The following MRTFA variants were observed in gnomAD, a reference collection of about 807,000 sequenced individuals.
MRTFA encodes the protein myocardin-related transcription factor A.
Under a neutral mutation model 83.5 loss-of-function variants are expected in MRTFA, and 20 were observed. The ratio of observed to expected loss-of-function variants is 0.24; its 90% confidence interval spans 0.17 to 0.35. The LOEUF is 0.35. Ranked by LOEUF, MRTFA falls within the 10% of genes least tolerant of loss-of-function variation. The pLI is 1.00. For synonymous variants in MRTFA, 659 were observed against 541.2 expected (o/e 1.22, Z -3.02); for missense variants, 1,200 against 1,224.7 (o/e 0.98, Z 0.30).
chr22:40,513,602 CAA>C (rs111580647), intron 3 of MRTFA, among the ~76,000 whole-genome samples: 10 of 65,888 alleles, frequency 1.5e-4, no homozygotes, highest in Admixed American at 3.6e-4. Context: ...GACTCCATCT[CAA>C]AAAAAAAAAA....
rs983876295 is a variant in MRTFA, at chr22:40,528,457, G to C, written c.241+23649C>G. Among the ~76,000 whole-genome samples, 9 of 152,070 alleles carry C rather than the reference G, an allele frequency of 5.9e-5. No homozygotes were observed. The East Asian group carries it at 7.7e-4, about 13-fold the overall frequency. ...AATCCCTTAAATATAAAACTAAGTG[G>C]CCAGGCGTGGTGGCTCACACCTGTA... On this transcript the variant is annotated intron_variant, in intron 3 of 14. Coordinates refer to ENST00000355630, the MANE Select transcript of MRTFA (RefSeq NM_020831.6).
rs922926545 is a variant in MRTFA, at chr22:40,498,893, T to G, written c.242-35607A>C. ...CTCTCTAAGCTTTCATTTCCTTACC[T>G]GAAAATAAAGATAATATGACCAAAT... On this transcript the variant is annotated intron_variant, in intron 3 of 14. Transcript: ENST00000355630. Among the ~76,000 whole-genome samples the G allele has an allele frequency of 2.0e-4, 31 of 152,212 alleles. 1 individual carries two copies. The highest frequency in any genetic ancestry group is 1.8e-3 in the Admixed American group (28 of 15,280).
intron 3 of MRTFA, among the ~76,000 whole-genome samples, chr22:40,498,829 C>G (rs2054406692): frequency 6.6e-6 from 1 of 152,170 alleles, no homozygotes; most frequent in South Asian, 2.1e-4. Flanking sequence ...TAGCTCTTAT[C>G]ACCTGTTGCC....
At chr22:40,582,755 C>CA (rs1262378740) in intron 2 of MRTFA, among the ~76,000 whole-genome samples, 1 of 152,020 alleles carries the variant, frequency 6.6e-6, no homozygotes, top group Non-Finnish European at 1.5e-5. Flanking sequence ...ACTGTTTGTT[C>CA]AAAAATCAAG....
chr22:40,535,645 A>T (rs2055158866), intron 3 of MRTFA, among the ~76,000 whole-genome samples: 1 of 151,996 alleles, frequency 6.6e-6, no homozygotes, highest in Non-Finnish European at 1.5e-5. Context: ...GAACCACCAC[A>T]CCTGGTCTTT....
intron 1 of MRTFA, among the ~76,000 whole-genome samples, chr22:40,612,610 A>T (rs1289936314): frequency 6.6e-6 from 1 of 152,202 alleles, no homozygotes; most frequent in African/African-American, 2.4e-5. Flanking sequence ...GAGTTTTGAT[A>T]AGTGTATACT....
intron 1 of MRTFA, among the ~76,000 whole-genome samples, chr22:40,605,787 T>C (rs1244320798): frequency 6.6e-6 from 1 of 152,158 alleles, no homozygotes; most frequent in African/African-American, 2.4e-5. Context: ...ACAGTTTGGG[T>C]TGGGATTGTT....
chr22:40,431,581 C>T (rs1243406567), intron 5 of MRTFA, 101 bp from the exon 6 acceptor site: 4 of 1,084,220 alleles, frequency 3.7e-6, no homozygotes, highest in African/African-American at 3.1e-5. Flanking sequence ...CTGCTGACCA[C>T]CTCTGCAGTT....
intron 4 of MRTFA, among the ~76,000 whole-genome samples, chr22:40,438,690 A>G (rs1409029376): frequency 6.6e-6 from 1 of 152,138 alleles, no homozygotes; most frequent in African/African-American, 2.4e-5. Flanking sequence ...CATAACTTTT[A>G]TTACAGTGTA....
intron 4 of MRTFA, among the ~76,000 whole-genome samples, chr22:40,455,299 A>G (rs1200590761): frequency 6.6e-6 from 1 of 152,170 alleles, no homozygotes. Flanking sequence ...TTAACATACT[A>G]TTGGACAGGG....
At chr22:40,618,864 G>A (rs1481840187) in intron 1 of MRTFA, among the ~76,000 whole-genome samples, 1 of 151,810 alleles carries the variant, frequency 6.6e-6, no homozygotes, top group Non-Finnish European at 1.5e-5. Context: ...TTAGGTGGCT[G>A]GGGTGGGAGA....
At chr22:40,526,808 A>C (rs997729462) in intron 3 of MRTFA, 2 of 152,166 alleles carry the variant, frequency 1.3e-5, no homozygotes, top group Non-Finnish European at 2.9e-5. Flanking sequence ...AATATACCTA[A>C]GGCTAAGGGG....
intron 1 of MRTFA, among the ~76,000 whole-genome samples, chr22:40,606,295 T>C (rs537663232): frequency 1.3e-5 from 2 of 152,346 alleles, no homozygotes; most frequent in East Asian, 3.9e-4. Context: ...CAAATAATCT[T>C]AATAAAGAAA....
At chr22:40,619,889 CA>C (rs1213944103) in intron 1 of MRTFA, among the ~76,000 whole-genome samples, 9,347 of 52,510 alleles carry the variant, frequency 0.18, 218 homozygotes, top group East Asian at 0.32. Context: ...AACTCCGTCT[CA>C]AAAAAAAAAA....
chr22:40,570,750 AC>A (rs1413280013), intron 2 of MRTFA, among the ~76,000 whole-genome samples: 1 of 151,908 alleles, frequency 6.6e-6, no homozygotes, highest in African/African-American at 2.4e-5. Flanking sequence ...ACAGAAAAAA[AC>A]TAGTTCTCTG....
chr22:40,517,076 C>A (rs2054773844), intron 3 of MRTFA, among the ~76,000 whole-genome samples: 1 of 152,082 alleles, frequency 6.6e-6, no homozygotes, highest in Non-Finnish European at 1.5e-5. Flanking sequence ...GTGTGCACTG[C>A]CACGCCTGGC....
intron 1 of MRTFA, among the ~76,000 whole-genome samples, chr22:40,634,272 G>A (rs2056671380): frequency 6.6e-6 from 1 of 152,074 alleles, no homozygotes; most frequent in Non-Finnish European, 1.5e-5. Flanking sequence ...CTTTTTTGTG[G>A]AGACAAGCTA....
At chr22:40,623,140 G>C (rs141934089) in intron 1 of MRTFA, among the ~76,000 whole-genome samples, 8 of 152,290 alleles carry the variant, frequency 5.3e-5, no homozygotes, top group African/African-American at 1.9e-4. Context: ...ATTAGAGAGA[G>C]TTAGAAAGTC....
intron 4 of MRTFA, chr22:40,436,289 C>A (rs977103549): frequency 6.5e-6 from 1 of 154,428 alleles, no homozygotes; most frequent in Non-Finnish European, 1.5e-5. Context: ...AACCTTACTT[C>A]CTCAACCTCA....
Sources: gnomAD v4.1 joint callset for allele counts (sites outside exome capture counted in the v4.1 genomes callset) on GRCh38, gnomAD v4.1.1 for gene constraint, MANE v1.5 for transcripts, NCBI Gene and HGNC (gene_info 2026-07-23, HGNC 2026-07-21) for gene names.